The following ADAMTSL1 variants were observed in gnomAD, a reference collection of about 807,000 sequenced individuals.
ADAMTSL1 encodes ADAMTS like 1.
A neutral mutation model predicts 201.8 loss-of-function variants in ADAMTSL1; 126 were observed. The observed-to-expected ratio is 0.62, with a 90% CI of 0.54 to 0.72. The LOEUF (loss-of-function observed/expected upper bound fraction) is 0.72. Among genes scored for constraint, ADAMTSL1 ranks in the 30% least tolerant of loss-of-function variants. The pLI is 0.00. For synonymous variants in ADAMTSL1, 1,121 were observed against 903.4 expected, an observed-to-expected ratio of 1.24 and a Z score of -4.32; for missense variants, 2,679 against 2,277.8, an observed-to-expected ratio of 1.18 and a Z score of -3.59.
At chr9:18,075,657 G>T (rs1008281592) in intron 1 of ADAMTSL1, among the ~76,000 whole-genome samples, 13 of 152,212 alleles carry the variant, frequency 8.5e-5, no homozygotes, top group African/African-American at 2.4e-4. Flanking sequence ...AAAAGGCAAA[G>T]ATCATAGCCA....
intron 1 of ADAMTSL1, among the ~76,000 whole-genome samples, chr9:18,479,665 T>C (rs1821625625): frequency 6.6e-6 from 1 of 152,228 alleles, no homozygotes; most frequent in Non-Finnish European, 1.5e-5. Context: ...ATCTTACACT[T>C]CTTTCTGTCC....
chr9:18,079,394 T>C (rs1264281297), intron 1 of ADAMTSL1, among the ~76,000 whole-genome samples: 4 of 152,100 alleles, frequency 2.6e-5, no homozygotes, highest in East Asian at 3.9e-4. Flanking sequence ...AAAGCAACCA[T>C]TGGGCTGGGC....
intron 2 of ADAMTSL1, among the ~76,000 whole-genome samples, chr9:18,265,475 C>T (rs1003292807): frequency 6.6e-6 from 1 of 152,150 alleles, no homozygotes; most frequent in Non-Finnish European, 1.5e-5. Context: ...TCTCCCACTA[C>T]ATGAAGCCAG....
intron 2 of ADAMTSL1, among the ~76,000 whole-genome samples, chr9:18,409,008 T>G (rs1342605950): frequency 6.6e-6 from 1 of 152,328 alleles, no homozygotes; most frequent in South Asian, 2.1e-4. Flanking sequence ...CCTGCTCTTT[T>G]AACTTACTAA....
chr9:18,430,573 C>T (rs1368220011), intron 2 of ADAMTSL1, among the ~76,000 whole-genome samples: 1 of 152,148 alleles, frequency 6.6e-6, no homozygotes, highest in Non-Finnish European at 1.5e-5. Context: ...AAAAGGGTTT[C>T]ATGTGACTTA....
chr9:18,762,377 G>A (rs550473724), intron 16 of ADAMTSL1, among the ~76,000 whole-genome samples: 1 of 152,224 alleles, frequency 6.6e-6, no homozygotes, highest in Admixed American at 6.5e-5. Flanking sequence ...ATTAATTCTT[G>A]TGGGTAATAG....
At chr9:18,473,521 A>T (rs950292894), upstream of ADAMTSL1, among the ~76,000 whole-genome samples, 1 of 152,196 alleles carries the variant, frequency 6.6e-6, no homozygotes, top group Non-Finnish European at 1.5e-5. Flanking sequence ...AAAATAACTT[A>T]TGCCACTGTT....
chr9:18,681,697 T>C (rs776759), intron 11 of ADAMTSL1, 115 bp from the exon 12 acceptor site: 1 of 238,092 alleles, frequency 4.2e-6, no homozygotes, highest in South Asian at 8.4e-5. Flanking sequence ...AGTCCTCGTG[T>C]GGGGGGGGGG....
intron 1 of ADAMTSL1, among the ~76,000 whole-genome samples, chr9:18,049,358 G>A (rs1003008091): frequency 6.6e-6 from 1 of 152,172 alleles, no homozygotes; most frequent in Non-Finnish European, 1.5e-5. Flanking sequence ...CAGAATTCTG[G>A]CCAATGAGAT....
At chr9:18,166,031 A>C (rs1016494054) in intron 2 of ADAMTSL1, among the ~76,000 whole-genome samples, 8 of 152,054 alleles carry the variant, frequency 5.3e-5, no homozygotes, top group African/African-American at 1.9e-4. Flanking sequence ...TTCCTGGTAT[A>C]GGTCACAAGA....
intron 23 of ADAMTSL1, among the ~76,000 whole-genome samples, chr9:18,851,863 A>G (rs1333647468): frequency 6.6e-6 from 1 of 152,176 alleles, no homozygotes. Context: ...CTTAGTGTAC[A>G]TGGTTGAGCC....
At chr9:18,842,577 AATTC>A (rs1311759304) in intron 23 of ADAMTSL1, among the ~76,000 whole-genome samples, 21 of 152,260 alleles carry the variant, frequency 1.4e-4, no homozygotes, top group African/African-American at 5.1e-4. Flanking sequence ...AGCTGAGTTC[AATTC>A]CTGGGTATCC....
chr9:18,690,359 T>G (rs565349507), intron 13 of ADAMTSL1, among the ~76,000 whole-genome samples: 3 of 152,196 alleles, frequency 2.0e-5, no homozygotes, highest in Admixed American at 1.3e-4. Flanking sequence ...TGGCTAGAAA[T>G]TTTAATTGTG....
rs76884233 is a variant in ADAMTSL1 at position 17,947,865 on chromosome 9, G to A, written c.87+40943G>A. ...ATTCTACCTGAACGAAAAGTCATGC[G>A]TCAAAGAGTGATGGATAAACACACC... On this transcript the variant is annotated intron_variant, in intron 1 of 29. Coordinates refer to the ADAMTSL1 transcript ENST00000680146. Among the ~76,000 whole-genome samples the A allele has an allele frequency of 2.2e-4, 33 of 152,264 alleles. No homozygotes were observed. The East Asian group carries it at 4.1e-3, about 19-fold the overall frequency.
At chr9:18,513,337 C>T (rs1818153605) in intron 2 of ADAMTSL1, among the ~76,000 whole-genome samples, 1 of 152,192 alleles carries the variant, frequency 6.6e-6, no homozygotes, top group African/African-American at 2.4e-5. Flanking sequence ...GGCAGCCTCC[C>T]TTCTACTGTC....
intron 1 of ADAMTSL1, among the ~76,000 whole-genome samples, chr9:18,042,032 T>G (rs1821446472): frequency 6.6e-6 from 1 of 151,630 alleles, no homozygotes. Context: ...TTGATCAAAT[T>G]ACTCCGTGCA....
rs566747879 is a variant in ADAMTSL1, at chr9:18,741,401, T to C, written c.2007-11897T>C. Among the ~76,000 whole-genome samples, 560 of 152,314 alleles carry C rather than the reference T, an allele frequency of 3.7e-3. 2 individuals are homozygous for C. Among genetic ancestry groups the C allele is most frequent in the Non-Finnish European group, 5.0e-3 (338 of 68,028 alleles). Reference sequence around the variant, plus strand: ...AAAGGAAAGAGGAGGCAGAATCTTATAGAAGCTAATAGAATCAAAACTGTG... The same window carrying C: ...AAAGGAAAGAGGAGGCAGAATCTTACAGAAGCTAATAGAATCAAAACTGTG... On this transcript the variant is annotated intron_variant, in intron 15 of 28. Coordinates refer to ENST00000380548, the MANE Select transcript of ADAMTSL1 (RefSeq NM_001040272.6).
chr9:18,897,326 G>A (rs374896812), intron 26 of ADAMTSL1, among the ~76,000 whole-genome samples: 1 of 152,152 alleles, frequency 6.6e-6, no homozygotes, highest in Non-Finnish European at 1.5e-5. Flanking sequence ...GACAAGGAAG[G>A]GTTCCCCACA....
intron 23 of ADAMTSL1, among the ~76,000 whole-genome samples, chr9:18,839,901 A>T: frequency 6.8e-6 from 1 of 147,154 alleles, no homozygotes; most frequent in East Asian, 2.0e-4. Context: ...TTTCTTGTAA[A>T]TTTGTTTGAG....
Sources: gnomAD v4.1 joint callset for allele counts (sites outside exome capture counted in the v4.1 genomes callset) on GRCh38, gnomAD v4.1.1 for gene constraint, MANE v1.5 for transcripts, NCBI Gene and HGNC (gene_info 2026-07-23, HGNC 2026-07-21) for gene names.